The following EDA variants were observed in gnomAD, a reference collection of about 807,000 sequenced individuals.
EDA encodes ectodysplasin A, also known as ectodysplasin-A.
Under a neutral mutation model 23.6 loss-of-function variants are expected in EDA, and 2 were observed. The ratio of observed to expected loss-of-function variants is 0.08; its 90% CI spans 0.03 to 0.27. EDA has a LOEUF of 0.27. Ranked by LOEUF, EDA falls within the 10% of genes least tolerant of loss-of-function variation. The probability of loss-of-function intolerance (pLI) is 1.00; values close to 1 mark genes in which losing one functional copy is unlikely to be tolerated. For missense variants in EDA, 229 were observed against 324.2 expected, an observed-to-expected ratio of 0.71 and a Z score of 2.26; for synonymous variants, 131 against 132.0, an observed-to-expected ratio of 0.99 and a Z score of 0.05.
At chrX:69,882,340 C>T (rs1029141910) in intron 1 of EDA, among the ~76,000 whole-genome samples, 2 of 111,677 alleles carry the variant, frequency 1.8e-5, no homozygotes, top group Non-Finnish European at 3.8e-5. Flanking sequence ...CTATACATAC[C>T]TTGGTGCTTC....
chrX:69,971,549 C>A (rs1290678463), intron 2 of EDA, among the ~76,000 whole-genome samples: 2 of 111,599 alleles, frequency 1.8e-5, no homozygotes, highest in Non-Finnish European at 3.8e-5. Context: ...CAGTCCCCCT[C>A]CTTGACTGCC....
intron 1 of EDA, among the ~76,000 whole-genome samples, chrX:69,686,108 A>G (rs968975304): frequency 8.9e-6 from 1 of 112,000 alleles, no homozygotes; most frequent in African/African-American, 3.2e-5. Context: ...TCCCAGGTTC[A>G]AGCGATTCTC....
chrX:69,915,528 A>G (rs1177517034), intron 1 of EDA, among the ~76,000 whole-genome samples: 2 of 108,760 alleles, frequency 1.8e-5, no homozygotes, highest in African/African-American at 6.7e-5. Flanking sequence ...ACTTGAACCC[A>G]GGAGGCGGAG....
intron 1 of EDA, among the ~76,000 whole-genome samples, chrX:69,872,706 G>T (rs1466621477): frequency 2.7e-5 from 3 of 111,270 alleles, no homozygotes; most frequent in African/African-American, 9.8e-5. Flanking sequence ...TATCACAATT[G>T]TAAATATATA....
At chrX:69,894,780 T>C (rs1442806186) in intron 1 of EDA, among the ~76,000 whole-genome samples, 2 of 112,214 alleles carry the variant, frequency 1.8e-5, no homozygotes, top group Non-Finnish European at 3.8e-5. Flanking sequence ...TTGCCAAAGT[T>C]GTTTATCAGC....
At chrX:69,802,101 CAACTT>C (rs1453151385) in intron 1 of EDA, among the ~76,000 whole-genome samples, 5 of 110,454 alleles carry the variant, frequency 4.5e-5, no homozygotes, top group Admixed American at 1.9e-4. Context: ...AAATTGGAAA[CAACTT>C]AAATCCCCAC....
At chrX:70,007,361 G>T (rs765824146) in intron 2 of EDA, among the ~76,000 whole-genome samples, 5 of 111,484 alleles carry the variant, frequency 4.5e-5, no homozygotes, top group African/African-American at 6.5e-5. Context: ...TTGTGGAGGG[G>T]CCTGGTGGGA....
At chrX:69,648,275 C>T (rs781569023) in intron 1 of EDA, among the ~76,000 whole-genome samples, 76 of 112,007 alleles carry the variant, frequency 6.8e-4, no homozygotes, top group Admixed American at 2.4e-3. Flanking sequence ...GTATTCTTAA[C>T]AGCCAGCAGG....
chrX:69,717,664 T>C (rs2804338), intron 1 of EDA, among the ~76,000 whole-genome samples: 36,519 of 108,855 alleles, frequency 0.34, 5,235 homozygotes, highest in Middle Eastern at 0.57. Flanking sequence ...GGACTACAGG[T>C]GCCCACCACC....
Position 69,807,873 on chromosome X carries a change from G to A in EDA, c.397-149154G>A, listed in dbSNP as rs111648018. On this transcript the variant is annotated intron_variant, in intron 1 of 7. Transcript: ENST00000374552. ...AGAATACAAACTTTGGAATCAGAAT[G>A]CCTATCTTCACAGTTCTGGTACTGC... Among the ~76,000 whole-genome samples, 474 of 111,470 alleles carry A rather than the reference G, an allele frequency of 4.3e-3. 2 individuals are homozygous for A. Among genetic ancestry groups the A allele is most frequent in the Middle Eastern group, 9.2e-3 (2 of 217 alleles).
intron 1 of EDA, among the ~76,000 whole-genome samples, chrX:69,787,077 G>C (rs991746564): frequency 1.9e-5 from 2 of 103,239 alleles, no homozygotes; most frequent in Non-Finnish European, 4.0e-5. Context: ...ATCTTTGTTG[G>C]TTTGAAGTCT....
intron 1 of EDA, among the ~76,000 whole-genome samples, chrX:69,828,527 C>T (rs1031897205): frequency 9.8e-5 from 11 of 112,252 alleles, no homozygotes; most frequent in African/African-American, 3.6e-4. Context: ...CTTGCACTTC[C>T]CAAGTGAGGC....
At chrX:69,752,519 G>T (rs1806083411) in intron 1 of EDA, among the ~76,000 whole-genome samples, 1 of 111,789 alleles carries the variant, frequency 8.9e-6, no homozygotes, top group Admixed American at 9.5e-5. Flanking sequence ...GTTCATCAGG[G>T]ATATTTGTCT....
At chrX:69,717,000 T>C (rs1352722724) in intron 1 of EDA, among the ~76,000 whole-genome samples, 1 of 111,321 alleles carries the variant, frequency 9.0e-6, no homozygotes, top group Non-Finnish European at 1.9e-5. Flanking sequence ...TATAGAATCA[T>C]GTCATCAGCA....
At chrX:69,761,507 C>T (rs922696699) in intron 1 of EDA, among the ~76,000 whole-genome samples, 7 of 112,013 alleles carry the variant, frequency 6.2e-5, no homozygotes, top group South Asian at 3.7e-4. Context: ...GATTAACTGA[C>T]GTTTTAGTAA....
In EDA at chrX:70,028,045, C is replaced by T. The variant is rs745854128; in HGVS notation, c.706+9C>T. The T allele has an allele frequency of 8.9e-7, 1 of 1,119,092 alleles. No individual in the cohort carries two copies. Among genetic ancestry groups the T allele is most frequent in the East Asian group, 3.1e-5 (1 of 32,696 alleles). 92.2% of individuals were successfully genotyped at this position (1,119,092 alleles called of 1,213,427 possible). A position where few individuals can be genotyped will look rare whatever the true frequency, so the allele number is the denominator to read the frequency against. ...CCTCCAGGGACCTTCTGGTGAGTTCCCCTGTCTCTCCACCCCACCAGGTGC... is the reference window on the plus strand; with the variant it reads ...CCTCCAGGGACCTTCTGGTGAGTTCTCCTGTCTCTCCACCCCACCAGGTGC... On this transcript the variant is annotated intron_variant, in intron 4 of 7. Coordinates refer to ENST00000374552, the MANE Select transcript of EDA (RefSeq NM_001399.5).
chrX:69,627,543 A>C (rs1256476430), intron 1 of EDA, among the ~76,000 whole-genome samples: 1 of 111,709 alleles, frequency 9.0e-6, no homozygotes, highest in African/African-American at 3.3e-5. Flanking sequence ...GAGTGAGACC[A>C]TGGGCATATA....
intron 1 of EDA, among the ~76,000 whole-genome samples, chrX:69,744,977 GCTA>G (rs770329706): frequency 1.8e-3 from 200 of 111,493 alleles, no homozygotes; most frequent in Non-Finnish European, 2.4e-3. Flanking sequence ...CATCATATCT[GCTA>G]CTATCTCGTT....
rs2147509479 is a variant in EDA, at chrX:70,027,858, A to G, written c.528A>G (p.Gly176=). The change falls in exon 4 of 8, where the codon GGA becomes GGG. Residue 176 remains glycine, a splice_region_variant and synonymous_variant. Transcript: ENST00000374552. ...ADGPVKNKKK[G]KKAGPPGPNG... is the part of the protein sequence containing the mutation. ...GTAACACTGAATCCTATTTTTCAGG[A>G]AAGAAAGCAGGACCTCCTGGACCCA... 1.2e-6 allele frequency: 1 copy of G among 824,308 alleles called. No individual in the cohort carries two copies. Among genetic ancestry groups the G allele is most frequent in the South Asian group, 2.2e-5 (1 of 45,861 alleles). The allele number at this position is 824,308 out of a possible 1,213,427, so 67.9% of individuals were successfully genotyped here. A position where few individuals can be genotyped will look rare whatever the true frequency, so the allele number is the denominator to read the frequency against.
Sources: allele counts gnomAD v4.1 joint callset (sites outside exome capture counted in the v4.1 genomes callset), GRCh38; gene constraint gnomAD v4.1.1; transcripts MANE v1.5; gene names NCBI Gene and HGNC (gene_info 2026-07-23, HGNC 2026-07-21).